The following DHRSX variants were observed in gnomAD, a reference collection of about 807,000 sequenced individuals.
DHRSX encodes polyprenol dehydrogenase.
DHRSX carries 31 observed loss-of-function variants against 34.0 expected under a neutral mutation model. The ratio of observed to expected loss-of-function variants is 0.91; its 90% confidence interval spans 0.69 to 1.23. The LOEUF is 1.23. DHRSX is among the 50% of genes most tolerant of loss of function. DHRSX has a pLI of 0.00. For synonymous variants in DHRSX, 201 were observed against 183.8 expected (o/e 1.09, Z -0.76); for missense variants, 414 against 428.1 (o/e 0.97, Z 0.29).
chrX:2,220,854 T>A lies in DHRSX; in HGVS notation c.*187A>T. The A allele has an allele frequency of 1.8e-6, 1 of 556,634 alleles. No individual in the cohort carries two copies. Among genetic ancestry groups the A allele is most frequent in the Admixed American group, 3.1e-5 (1 of 32,552 alleles). The allele number at this position is 556,634 out of a possible 1,614,324, so 34.5% of individuals were successfully genotyped here. Reference sequence around the variant, plus strand: ...GGTTGAAGACCACTTGGGGTGATTATCCTCCAAAATGTTTATTTGGCTTCT... The same window carrying A: ...GGTTGAAGACCACTTGGGGTGATTAACCTCCAAAATGTTTATTTGGCTTCT... On this transcript the variant is annotated 3_prime_UTR_variant, in exon 7 of 7. Transcript: ENST00000334651.
chrX:2,289,230 G>A (rs1467142594), intron 4 of DHRSX, among the ~76,000 whole-genome samples: 1 of 151,574 alleles, frequency 6.6e-6, no homozygotes, highest in African/African-American at 2.4e-5. Flanking sequence ...CGATTCTCCT[G>A]CCTCAGCCTC....
At chrX:2,291,640 T>C in intron 3 of DHRSX, 37 bp from the exon 4 acceptor site, 1 of 1,437,456 alleles carries the variant, frequency 7.0e-7, no homozygotes, top group Non-Finnish European at 9.8e-7. Flanking sequence ...CCTGGTTATC[T>C]CCCAACCTAT....
At chrX:2,490,075 G>C (rs373097064) in intron 1 of DHRSX, 2 of 1,613,768 alleles carry the variant, frequency 1.2e-6, no homozygotes, top group South Asian at 2.2e-5. Flanking sequence ...CCAGGAAGTG[G>C]GCGGCCAGCG....
At chrX:2,321,582 C>G (rs754804405) in intron 3 of DHRSX, among the ~76,000 whole-genome samples, 33 of 150,700 alleles carry the variant, frequency 2.2e-4, no homozygotes, top group Admixed American at 1.8e-3. Flanking sequence ...TGCTCCACCC[C>G]CCTCTCTCTC....
At chrX:2,345,901 A>G (rs1056691444) in intron 3 of DHRSX, among the ~76,000 whole-genome samples, 22 of 152,270 alleles carry the variant, frequency 1.4e-4, no homozygotes, top group Non-Finnish European at 2.6e-4. Flanking sequence ...CTCCATCACC[A>G]TATGAGCAAA....
At chrX:2,446,339 G>A (rs5982896) in intron 1 of DHRSX, among the ~76,000 whole-genome samples, 53,590 of 150,934 alleles carry the variant, frequency 0.36, 10,538 homozygotes, top group African/African-American at 0.53. Flanking sequence ...TAAGCATGTG[G>A]CCAAGGGACC....
chrX:2,474,493 A>G (rs73179253), intron 1 of DHRSX, among the ~76,000 whole-genome samples: 31,208 of 151,680 alleles, frequency 0.21, 4,294 homozygotes, highest in African/African-American at 0.39. Flanking sequence ...ACGCTCCCTA[A>G]GAATGTGGCC....
intron 3 of DHRSX, among the ~76,000 whole-genome samples, chrX:2,359,812 C>G (rs1040931298): frequency 9.9e-5 from 15 of 152,256 alleles, no homozygotes; most frequent in African/African-American, 3.4e-4. Flanking sequence ...CCTCAGCAAA[C>G]TATGTAGGAA....
At chrX:2,269,065 G>C (rs1351577343) in intron 4 of DHRSX, among the ~76,000 whole-genome samples, 1 of 152,120 alleles carries the variant, frequency 6.6e-6, no homozygotes, top group African/African-American at 2.4e-5. Context: ...ATATATATGT[G>C]TTTGCATCTG....
intron 3 of DHRSX, among the ~76,000 whole-genome samples, chrX:2,292,285 C>G (rs752752428): frequency 6.6e-6 from 1 of 152,180 alleles, no homozygotes; most frequent in African/African-American, 2.4e-5. Context: ...CTCAGATCCC[C>G]AGATCTGCAG....
intron 1 of DHRSX, among the ~76,000 whole-genome samples, chrX:2,478,746 C>T (rs2044721344): frequency 6.6e-6 from 1 of 151,206 alleles, no homozygotes; most frequent in African/African-American, 2.4e-5. Context: ...GTTCCCCAAG[C>T]GTGCGGCCAA....
intron 1 of DHRSX, among the ~76,000 whole-genome samples, chrX:2,442,919 G>A (rs762736925): frequency 2.6e-5 from 4 of 152,288 alleles, no homozygotes; most frequent in South Asian, 2.1e-4. Context: ...AGACACGTGC[G>A]TGTTCCGTCA....
At chrX:2,445,990 C>T (rs1383076034) in intron 1 of DHRSX, among the ~76,000 whole-genome samples, 4 of 148,960 alleles carry the variant, frequency 2.7e-5, no homozygotes, top group African/African-American at 9.9e-5. Flanking sequence ...AAGACGTTCC[C>T]TAAGAATGCA....
intron 3 of DHRSX, among the ~76,000 whole-genome samples, chrX:2,381,878 G>A (rs1209555769): frequency 1.3e-5 from 2 of 151,230 alleles, no homozygotes; most frequent in South Asian, 2.1e-4. Context: ...CCTGACAGGT[G>A]CATGATTATT....
chrX:2,228,866 T>C (rs1271256514), intron 6 of DHRSX, among the ~76,000 whole-genome samples: 1 of 152,124 alleles, frequency 6.6e-6, no homozygotes, highest in Non-Finnish European at 1.5e-5. Flanking sequence ...ATGCTGGGCT[T>C]TGCAGAAGAG....
intron 3 of DHRSX, among the ~76,000 whole-genome samples, chrX:2,406,489 G>A (rs1381912830): frequency 6.6e-6 from 1 of 150,704 alleles, no homozygotes; most frequent in African/African-American, 2.4e-5. Context: ...CACCCAGGCT[G>A]GAGTGCAAAG....
At chrX:2,392,930 AAATAT>A (rs973917478) in intron 3 of DHRSX, among the ~76,000 whole-genome samples, 53 of 142,612 alleles carry the variant, frequency 3.7e-4, no homozygotes, top group Middle Eastern at 6.4e-3. Flanking sequence ...TATATAAATA[AAATAT>A]ATCAAAGTAT....
intron 6 of DHRSX, among the ~76,000 whole-genome samples, chrX:2,234,296 T>C (rs1308451154): frequency 6.9e-6 from 1 of 144,206 alleles, no homozygotes; most frequent in Non-Finnish European, 1.5e-5. Context: ...TGCATGTGCA[T>C]TCAATATCTC....
chrX:2,474,797 G>A lies in DHRSX; in HGVS notation c.109+26020C>T, dbSNP rs191815927. Among the ~76,000 whole-genome samples the A allele has an allele frequency of 2.0e-5, 3 of 151,564 alleles. No homozygotes were observed. The East Asian group carries it at 5.9e-4, about 30-fold the overall frequency. On this transcript the variant is annotated intron_variant, in intron 1 of 6. Coordinates refer to ENST00000334651, the MANE Select transcript of DHRSX (RefSeq NM_145177.3). ...ACGTTCCCTAAGCATGTGGCCAAGA[G>A]ACTGCCACCATATACACACTGAAGA...
Sources: gnomAD v4.1 joint callset for allele counts (sites outside exome capture counted in the v4.1 genomes callset) on GRCh38, gnomAD v4.1.1 for gene constraint, MANE v1.5 for transcripts, NCBI Gene and HGNC (gene_info 2026-07-23, HGNC 2026-07-21) for gene names.